The following GUCY1A1 variants were observed in gnomAD, a reference collection of about 807,000 sequenced individuals.
GUCY1A1 encodes guanylate cyclase 1 soluble subunit alpha 1, also known as guanylate cyclase soluble subunit alpha-1.
GUCY1A1 carries 48 observed loss-of-function variants against 64.5 expected under a neutral mutation model. The ratio of observed to expected loss-of-function variants is 0.74; its 90% confidence interval spans 0.59 to 0.95. The LOEUF is 0.95. GUCY1A1 is among the 40% of genes least tolerant of loss of function. The pLI, the probability that GUCY1A1 is intolerant of heterozygous loss-of-function variation, is 0.00. For synonymous variants in GUCY1A1, 308 were observed against 303.4 expected (o/e 1.02, Z -0.16); for missense variants, 804 against 825.3 (o/e 0.97, Z 0.32).
intron 2 of GUCY1A1, among the ~76,000 whole-genome samples, chr4:155,676,112 C>A (rs1734880508): frequency 6.6e-6 from 1 of 150,704 alleles, no homozygotes. Context: ...TGTCTTTCTG[C>A]CTTCAATCAA....
chr4:155,698,428 T>A (rs917708336), intron 3 of GUCY1A1, among the ~76,000 whole-genome samples: 1 of 152,146 alleles, frequency 6.6e-6, no homozygotes, highest in African/African-American at 2.4e-5. Flanking sequence ...TGTAGCACAG[T>A]CTGGGAAACA....
Position 155,731,362 on chromosome 4 carries a change from T to C in GUCY1A1, c.*1131T>C, listed in dbSNP as rs1735524641. Reference sequence around the variant, plus strand: ...ATGTCTATGAACTAAGAATCAAGTTTTTGTCTCATTAAATATACATATATG... The same window carrying C: ...ATGTCTATGAACTAAGAATCAAGTTCTTGTCTCATTAAATATACATATATG... On this transcript the variant is annotated 3_prime_UTR_variant, in exon 10 of 10. Transcript: ENST00000506455. The C allele has an allele frequency of 6.6e-6, 1 of 151,868 alleles. No individual in the cohort carries two copies. Among genetic ancestry groups the C allele is most frequent in the African/African-American group, 2.4e-5 (1 of 41,410 alleles). The allele number at this position is 151,868 out of a possible 1,614,324, so 9.4% of individuals were successfully genotyped here. A position where few individuals can be genotyped will look rare whatever the true frequency, so the allele number is the denominator to read the frequency against.
At chr4:155,697,620 T>C (rs752675173) in intron 3 of GUCY1A1, among the ~76,000 whole-genome samples, 1 of 152,210 alleles carries the variant, frequency 6.6e-6, no homozygotes, top group Non-Finnish European at 1.5e-5. Context: ...GTTTTCAGAG[T>C]TGTGAAAATC....
chr4:155,682,784 G>T (rs1351766761), intron 2 of GUCY1A1, among the ~76,000 whole-genome samples: 3 of 148,904 alleles, frequency 2.0e-5, no homozygotes, highest in Admixed American at 6.7e-5. Context: ...AATATTTTTT[G>T]TCCTTTTATG....
intron 2 of GUCY1A1, among the ~76,000 whole-genome samples, chr4:155,680,951 A>ATG (rs759496530): frequency 8.0e-5 from 12 of 149,542 alleles, no homozygotes; most frequent in African/African-American, 1.7e-4. Flanking sequence ...ACACACATGC[A>ATG]CACACACACA....
At chr4:155,729,262 A>G (rs1735202090) in intron 9 of GUCY1A1, among the ~76,000 whole-genome samples, 1 of 151,870 alleles carries the variant, frequency 6.6e-6, no homozygotes, top group South Asian at 2.1e-4. Flanking sequence ...ATATTAGGTT[A>G]GAGAGAAGGC....
At chr4:155,702,231 AC>A (rs1731182566) in intron 3 of GUCY1A1, among the ~76,000 whole-genome samples, 1 of 152,160 alleles carries the variant, frequency 6.6e-6, no homozygotes, top group Non-Finnish European at 1.5e-5. Context: ...AAAGGCAGCA[AC>A]CCTTATTTTA....
chr4:155,700,716 C>CT (rs2126771879), intron 3 of GUCY1A1, among the ~76,000 whole-genome samples: 1 of 152,250 alleles, frequency 6.6e-6, no homozygotes, highest in Admixed American at 6.5e-5. Flanking sequence ...ATCTACAATA[C>CT]TTCAGGTTCC....
chr4:155,698,727 C>A (rs1730726013), intron 3 of GUCY1A1, among the ~76,000 whole-genome samples: 1 of 152,150 alleles, frequency 6.6e-6, no homozygotes, highest in Non-Finnish European at 1.5e-5. Flanking sequence ...ACCAAAAGTT[C>A]CACAGGCTTC....
At chr4:155,702,597 C>G (rs11930941) in intron 3 of GUCY1A1, among the ~76,000 whole-genome samples, 2,904 of 152,252 alleles carry the variant, frequency 0.019, 93 homozygotes, top group African/African-American at 0.065. Context: ...ACCAGCTTTT[C>G]TTTCATCCTG....
chr4:155,705,916 G>A (rs1293894771), intron 4 of GUCY1A1, among the ~76,000 whole-genome samples: 1 of 152,176 alleles, frequency 6.6e-6, no homozygotes, highest in African/African-American at 2.4e-5. Flanking sequence ...GAACACCTCT[G>A]ACCTTAATAA....
chr4:155,733,537 T>A lies in GUCY1A1; in HGVS notation c.*3306T>A, dbSNP rs551411325. Among the ~76,000 whole-genome samples the A allele has an allele frequency of 1.3e-5, 2 of 151,466 alleles. No homozygotes were observed. Among genetic ancestry groups the A allele is most frequent in the African/African-American group, 4.8e-5 (2 of 41,258 alleles). ...TATTGTAATATTAATATATAGTAATTAACTACACATGACACAGCTTTACAT... is the reference window on the plus strand; with the variant it reads ...TATTGTAATATTAATATATAGTAATAAACTACACATGACACAGCTTTACAT... On this transcript the variant is annotated 3_prime_UTR_variant, in exon 10 of 10. Transcript: ENST00000506455.
Position 155,731,263 on chromosome 4 carries a change from A to G in GUCY1A1, c.*1032A>G, listed in dbSNP as rs1189960772. Reference sequence around the variant, plus strand: ...TTTTAAGAAGAAAATCTAAGTATGGAAGTAGAAAATAAGACTTGTTCTTTT... The same window carrying G: ...TTTTAAGAAGAAAATCTAAGTATGGGAGTAGAAAATAAGACTTGTTCTTTT... On this transcript the variant is annotated 3_prime_UTR_variant, in exon 10 of 10. Transcript: ENST00000506455. The G allele has an allele frequency of 6.6e-6, 1 of 151,868 alleles. No homozygotes were observed. The highest frequency in any genetic ancestry group is 1.5e-5 in the Non-Finnish European group (1 of 67,854). 9.4% of individuals were successfully genotyped at this position (151,868 alleles called of 1,614,324 possible). A position where few individuals can be genotyped will look rare whatever the true frequency, so the allele number is the denominator to read the frequency against.
At position 155,735,290 on chromosome 4, in the gene GUCY1A1, G is replaced by T. The variant is rs1381870391; in HGVS notation, c.*5059G>T. On this transcript the variant is annotated 3_prime_UTR_variant, in exon 10 of 10. Coordinates refer to ENST00000506455, the MANE Select transcript of GUCY1A1 (RefSeq NM_001130682.3). ...AAATAGTAGCAAAAGTTTTATCAAT[G>T]TGTAGATTTCAATCAGAAAAACCTA... is the stretch of plus-strand genomic sequence containing the variant. The T allele has an allele frequency of 6.6e-6, 1 of 151,788 alleles. No individual in the cohort carries two copies. Among genetic ancestry groups the T allele is most frequent in the Admixed American group, 6.6e-5 (1 of 15,216 alleles). The allele number at this position is 151,788 out of a possible 1,614,324, so 9.4% of individuals were successfully genotyped here.
chr4:155,672,682 C>A (rs1734307732), intron 2 of GUCY1A1, among the ~76,000 whole-genome samples: 1 of 152,170 alleles, frequency 6.6e-6, no homozygotes, highest in East Asian at 1.9e-4. Flanking sequence ...TTAATCATCT[C>A]TTTGGAATAG....
chr4:155,697,115 T>A lies in GUCY1A1; in HGVS notation c.248T>A (p.Phe83Tyr), dbSNP rs1473757938. The A allele has an allele frequency of 1.2e-6, 2 of 1,612,840 alleles. No individual in the cohort carries two copies. The highest frequency in any genetic ancestry group is 8.5e-7 in the Non-Finnish European group (1 of 1,178,922). The change falls in exon 3 of 10, where the codon TTC (phenylalanine) becomes TAC (tyrosine). Residue 83 changes from phenylalanine to tyrosine, a missense_variant. Phe to Tyr is a conservative substitution (Grantham distance 22). Transcript: ENST00000506455. ...TLAESICKLI[F>Y]PEFERLNVAL... ...GCAGAGAGTATTTGCAAACTGATTTTCCCAGAGGTGAGTGCGTGCTCTTTA... is the reference window on the plus strand; with the variant it reads ...GCAGAGAGTATTTGCAAACTGATTTACCCAGAGGTGAGTGCGTGCTCTTTA...
At chr4:155,716,636 G>A (rs191023052) in intron 7 of GUCY1A1, among the ~76,000 whole-genome samples, 1 of 151,870 alleles carries the variant, frequency 6.6e-6, no homozygotes, top group Non-Finnish European at 1.5e-5. Context: ...GGACCCCAAG[G>A]GTCCTTTAGA....
At chr4:155,702,161 A>G (rs1731171534) in intron 3 of GUCY1A1, among the ~76,000 whole-genome samples, 1 of 152,210 alleles carries the variant, frequency 6.6e-6, no homozygotes, top group Non-Finnish European at 1.5e-5. Flanking sequence ...GAGACAGATT[A>G]TGAAAAATTT....
intron 2 of GUCY1A1, among the ~76,000 whole-genome samples, chr4:155,673,114 T>C (rs528626442): frequency 6.8e-6 from 1 of 146,958 alleles, no homozygotes; most frequent in South Asian, 2.1e-4. Context: ...CACCACTTTA[T>C]CTGGCAATCA....
Sources: allele counts gnomAD v4.1 joint callset (sites outside exome capture counted in the v4.1 genomes callset), GRCh38; gene constraint gnomAD v4.1.1; transcripts MANE v1.5; gene names NCBI Gene and HGNC (gene_info 2026-07-23, HGNC 2026-07-21).